CAPN8: variants seen among roughly 807,000 people sequenced by gnomAD.
CAPN8 encodes calpain 8, also known as calpain-8.
Under a neutral mutation model 80.9 loss-of-function variants are expected in CAPN8, and 87 were observed. That is an observed-to-expected ratio of 1.07 (90% CI 0.90 to 1.28). The LOEUF is 1.28. Ranked by LOEUF, CAPN8 falls within the 50% of genes most tolerant of loss-of-function variation. The pLI is 0.00. For missense variants in CAPN8, 757 were observed against 702.0 expected (o/e 1.08, Z -0.89); for synonymous variants, 299 against 273.8 (o/e 1.09, Z -0.91).
In CAPN8 at chr1:223,543,142, T is replaced by A. The variant is rs563781966; in HGVS notation, c.2054A>T (p.Asp685Val). The change falls in exon 20 of 21, where the codon GAC (aspartate) becomes GTC (valine). Residue 685 changes from aspartate (D) to valine (V), a missense_variant. By Grantham distance (152) the Asp-to-Val change is radical. Transcript: ENST00000366872. ...LFKLFSLLDE[D>V]KDGMVQLSLA... ...AGAGAGCTGAACCATGCCATCCTTGTCTTCGTCCAGAAGGCTGAATAGTTC... is the reference window on the plus strand; with the variant it reads ...AGAGAGCTGAACCATGCCATCCTTGACTTCGTCCAGAAGGCTGAATAGTTC... 6.4e-7 allele frequency: 1 copy of A among 1,551,680 alleles called. No homozygotes were observed. The highest frequency in any genetic ancestry group is 2.4e-5 in the East Asian group (1 of 40,920).
Position 223,621,924 on chromosome 1 carries a change from T to A in CAPN8, c.899+891A>T, listed in dbSNP as rs994168548. Among the ~76,000 whole-genome samples the A allele has an allele frequency of 2.6e-5, 4 of 152,054 alleles. No homozygotes were observed. In the South Asian group the frequency reaches 8.3e-4, roughly 32 times the overall value. Reference sequence around the variant, plus strand: ...CAAGCTGGAATGCAGTGGCCCAATCTCGGCTCACTGCAACCTCCAACTCCT... The same window carrying A: ...CAAGCTGGAATGCAGTGGCCCAATCACGGCTCACTGCAACCTCCAACTCCT... On this transcript the variant is annotated intron_variant, in intron 7 of 20. Coordinates refer to ENST00000366872, the MANE Select transcript of CAPN8 (RefSeq NM_001143962.2).
rs182718151 is a variant in CAPN8 at position 223,639,870 on chromosome 1, G to T, written c.308-11090C>A. On this transcript the variant is annotated intron_variant, in intron 2 of 20. Transcript: ENST00000366872. The stretch of plus-strand genomic sequence containing the variant: ...AGTTCAAGTGACCCCCCAAGGCCAG[G>T]CAGTGTCAGAGCCAGGACTAGTTCT... Among the ~76,000 whole-genome samples the T allele has an allele frequency of 3.3e-3, 504 of 152,348 alleles. 5 individuals are homozygous for T. The highest frequency in any genetic ancestry group is 5.9e-3 in the Non-Finnish European group (401 of 68,036).
At chr1:223,659,806 C>G (rs60773808) in intron 1 of CAPN8, among the ~76,000 whole-genome samples, 26,962 of 152,174 alleles carry the variant, frequency 0.18, 3,004 homozygotes, top group East Asian at 0.29. Flanking sequence ...GAAGAGGAAA[C>G]TGAGTCTTGG....
At chr1:223,642,938 C>T (rs1242350272) in intron 2 of CAPN8, 1 of 381,588 alleles carries the variant, frequency 2.6e-6, no homozygotes, top group Non-Finnish European at 5.2e-6. Context: ...TAGAGGGAAA[C>T]ATTTTTCTTA....
intron 4 of CAPN8, 63 bp downstream of exon 4, chr1:223,627,946 G>T: frequency 6.9e-7 from 1 of 1,454,208 alleles, no homozygotes; most frequent in Non-Finnish European, 9.1e-7. Context: ...AGACGTGGGA[G>T]GGACAGGTGA....
At position 223,664,416 on chromosome 1, in the gene CAPN8, C is replaced by T. The variant is rs139739217; in HGVS notation, c.237+994G>A. 8.5e-3 allele frequency among the ~76,000 whole-genome samples: 1,294 copies of T among 152,308 alleles called. 28 individuals carry two copies. Among genetic ancestry groups the T allele is most frequent in the African/African-American group, 0.028 (1,150 of 41,546 alleles). ...GGACCATATGCAGTAATAACAACTA[C>T]GTATTCTGCATCTATTATGTTCTGG... On this transcript the variant is annotated intron_variant, in intron 1 of 20. Transcript: ENST00000366872.
chr1:223,657,439 T>G (rs1439646291), intron 1 of CAPN8, among the ~76,000 whole-genome samples: 1 of 152,018 alleles, frequency 6.6e-6, no homozygotes, highest in Non-Finnish European at 1.5e-5. Context: ...TCAATAGGGG[T>G]TTGGAAGAAT....
At chr1:223,642,505 G>T (rs1328507752) in intron 2 of CAPN8, among the ~76,000 whole-genome samples, 1 of 152,184 alleles carries the variant, frequency 6.6e-6, no homozygotes, top group East Asian at 1.9e-4. Flanking sequence ...TCCTCAGGGA[G>T]GGGCAGCTAT....
At chr1:223,664,086 C>CA (rs1362697585) in intron 1 of CAPN8, among the ~76,000 whole-genome samples, 3 of 152,220 alleles carry the variant, frequency 2.0e-5, no homozygotes, top group African/African-American at 7.2e-5. Flanking sequence ...GAGAGGTTCT[C>CA]ATCCCTGAGG....
chr1:223,628,803 C>G (rs1657683566), intron 2 of CAPN8, 23 bp from the exon 3 acceptor site: 1 of 1,540,170 alleles, frequency 6.5e-7, no homozygotes. Flanking sequence ...ACAGGGGACA[C>G]AGATTGGTCA....
intron 17 of CAPN8, 129 bp from the exon 18 acceptor site, chr1:223,544,979 C>G: frequency 1.3e-6 from 2 of 1,485,982 alleles, no homozygotes; most frequent in Middle Eastern, 2.2e-4. Context: ...TTGACTCCTC[C>G]CAAGAAGGTT....
intron 6 of CAPN8, among the ~76,000 whole-genome samples, chr1:223,625,331 C>T (rs1277399331): frequency 6.6e-6 from 1 of 152,146 alleles, no homozygotes; most frequent in Non-Finnish European, 1.5e-5. Flanking sequence ...GCTTTCCTGG[C>T]TGCATCTAAG....
At chr1:223,558,672 A>C (rs1352881589) in intron 12 of CAPN8, among the ~76,000 whole-genome samples, 2 of 151,062 alleles carry the variant, frequency 1.3e-5, no homozygotes, top group Non-Finnish European at 3.0e-5. Flanking sequence ...GATTGTGTGG[A>C]GTGTGTGCGG....
chr1:223,616,063 G>T lies in CAPN8; in HGVS notation c.1218C>A (p.Cys406Ter). ...EDQEESIGEP[C>*]CTVLLGLMQK... is the part of the protein sequence containing the mutation. ...GCATCAGGCCCAGCAGCACTGTACA[G>T]CAGGGTTCACCGATGCTCTCCTCCT... Residue 406 changes from cysteine (C) to a stop codon, truncating the protein, a stop_gained, in exon 10 of 21, where the codon TGC becomes TGA. Transcript: ENST00000366872. LOFTEE classifies it high-confidence loss of function. 2 of 1,552,248 alleles carry T rather than the reference G, an allele frequency of 1.3e-6. No individual in the cohort carries two copies. The highest frequency in any genetic ancestry group is 1.7e-6 in the Non-Finnish European group (2 of 1,147,116).
chr1:223,632,943 C>G (rs1292132337), intron 2 of CAPN8, among the ~76,000 whole-genome samples: 1 of 152,168 alleles, frequency 6.6e-6, no homozygotes, highest in East Asian at 1.9e-4. Context: ...CCTCCTTCTT[C>G]CCATCTGGAA....
intron 5 of CAPN8, among the ~76,000 whole-genome samples, chr1:223,626,686 T>G (rs1657589835): frequency 1.3e-5 from 2 of 152,158 alleles, no homozygotes; most frequent in South Asian, 4.1e-4. Context: ...ATGGGGGGCC[T>G]AGGATCCAGG....
At chr1:223,645,245 C>A (rs913178514) in intron 2 of CAPN8, among the ~76,000 whole-genome samples, 1 of 152,186 alleles carries the variant, frequency 6.6e-6, no homozygotes, top group African/African-American at 2.4e-5. Flanking sequence ...TATTCCTCAG[C>A]CTGCTTTTAT....
intron 2 of CAPN8, among the ~76,000 whole-genome samples, chr1:223,633,856 C>A (rs1194590800): frequency 1.3e-5 from 2 of 151,924 alleles, no homozygotes; most frequent in East Asian, 3.9e-4. Flanking sequence ...TCTCAAACAC[C>A]AAGGGAAGAA....
chr1:223,557,528 T>A (rs1341417159), intron 13 of CAPN8, among the ~76,000 whole-genome samples: 2 of 152,126 alleles, frequency 1.3e-5, no homozygotes, highest in Admixed American at 1.3e-4. Flanking sequence ...ACACCCACCA[T>A]CTGAGAACAA....
Sources: gnomAD v4.1 joint callset for allele counts (sites outside exome capture counted in the v4.1 genomes callset) on GRCh38, gnomAD v4.1.1 for gene constraint, MANE v1.5 for transcripts, NCBI Gene and HGNC (gene_info 2026-07-23, HGNC 2026-07-21) for gene names.